The following LRPPRC variants were observed in gnomAD, a reference collection of about 807,000 sequenced individuals.
LRPPRC encodes leucine rich pentatricopeptide repeat containing.
A neutral mutation model predicts 180.3 loss-of-function variants in LRPPRC; 120 were observed. That is an observed-to-expected ratio of 0.67 (90% CI 0.57 to 0.77). LRPPRC has a LOEUF of 0.77. Among genes scored for constraint, LRPPRC ranks in the 30% least tolerant of loss-of-function variants. The pLI is 0.00. For missense variants in LRPPRC, 2,012 were observed against 1,657.2 expected, an observed-to-expected ratio of 1.21 and a Z score of -3.72; for synonymous variants, 723 against 600.0, an observed-to-expected ratio of 1.21 and a Z score of -3.00.
intron 32 of LRPPRC, among the ~76,000 whole-genome samples, chr2:43,900,790 T>A (rs1036909840): frequency 2.6e-5 from 4 of 152,142 alleles, no homozygotes; most frequent in Non-Finnish European, 5.9e-5. Context: ...AAAAATCAAG[T>A]CCTTATTTAT....
intron 3 of LRPPRC, among the ~76,000 whole-genome samples, chr2:43,979,521 C>T (rs916059731): frequency 4.6e-5 from 7 of 152,112 alleles, no homozygotes; most frequent in African/African-American, 1.4e-4. Flanking sequence ...TACCTAAATT[C>T]GAACAAATGG....
chr2:43,974,798 GT>G (rs760896244), intron 7 of LRPPRC, 40 bp from the exon 8 acceptor site: 11 of 1,592,782 alleles, frequency 6.9e-6, no homozygotes, highest in Admixed American at 5.0e-5. Context: ...AAGTTAGAGT[GT>G]TTTTATTTAA....
At position 43,974,303 on chromosome 2, in the gene LRPPRC, GA is replaced by G. The variant is rs1355730370; in HGVS notation, c.1010-9del. 1 of 1,602,172 alleles carries G rather than the reference GA, an allele frequency of 6.2e-7. No homozygotes were observed. Among genetic ancestry groups the G allele is most frequent in the Admixed American group, 1.7e-5 (1 of 59,988 alleles). On this transcript the variant is annotated splice_polypyrimidine_tract_variant and intron_variant, in intron 8 of 37. Coordinates refer to ENST00000260665, the MANE Select transcript of LRPPRC (RefSeq NM_133259.4). ...AAATGAGGTTCATTGCATCTGGGAA[GA>G]AAACAAAGACATCTTTTGTTAATAA... is the stretch of plus-strand genomic sequence containing the variant.
intron 30 of LRPPRC, among the ~76,000 whole-genome samples, chr2:43,906,640 T>C (rs1671076213): frequency 6.6e-6 from 1 of 152,158 alleles, no homozygotes; most frequent in African/African-American, 2.4e-5. Flanking sequence ...TTGCTCCCAT[T>C]TGCCTTATCG....
At chr2:43,961,413 G>A (rs549093258) in intron 12 of LRPPRC, among the ~76,000 whole-genome samples, 2 of 152,226 alleles carry the variant, frequency 1.3e-5, no homozygotes, top group African/African-American at 4.8e-5. Context: ...GTCAAGTTAG[G>A]TGGATAATAG....
intron 2 of LRPPRC, among the ~76,000 whole-genome samples, 179 bp from the exon 3 acceptor site, chr2:43,980,127 TTAAA>T (rs1674238027): frequency 1.3e-5 from 2 of 152,314 alleles, no homozygotes; most frequent in East Asian, 1.9e-4. Context: ...AAGTCAAACT[TTAAA>T]TATTAGTCTG....
At chr2:43,988,760 G>C (rs895513464) in intron 1 of LRPPRC, among the ~76,000 whole-genome samples, 3 of 151,992 alleles carry the variant, frequency 2.0e-5, no homozygotes, top group East Asian at 1.9e-4. Context: ...AGCCAGGATG[G>C]TCTCGATCTC....
intron 1 of LRPPRC, among the ~76,000 whole-genome samples, chr2:43,990,003 A>T (rs1363985121): frequency 6.6e-6 from 1 of 152,134 alleles, no homozygotes; most frequent in Non-Finnish European, 1.5e-5. Context: ...ACCTGAGGTC[A>T]GGATTTCGAG....
chr2:43,996,190 G>A (rs540603439), upstream of LRPPRC, among the ~76,000 whole-genome samples: 23 of 152,142 alleles, frequency 1.5e-4, no homozygotes, highest in African/African-American at 4.1e-4. Flanking sequence ...TCCGTCTTCC[G>A]TCTCCGATCT....
At chr2:43,948,308 T>C in intron 17 of LRPPRC, 104 bp downstream of exon 17, 3 of 919,236 alleles carry the variant, frequency 3.3e-6, no homozygotes, top group South Asian at 1.3e-5. Context: ...AACTCTTGCA[T>C]GTCATTGAGA....
intron 36 of LRPPRC, among the ~76,000 whole-genome samples, 189 bp from the exon 37 acceptor site, chr2:43,890,065 T>A (rs1285871716): frequency 1.3e-5 from 2 of 152,204 alleles, no homozygotes; most frequent in South Asian, 2.1e-4. Context: ...TCATTCGGCA[T>A]CACTCACTTT....
At chr2:43,898,062 C>A (rs1572892663) in intron 34 of LRPPRC, among the ~76,000 whole-genome samples, 1 of 116,042 alleles carries the variant, frequency 8.6e-6, no homozygotes, top group Non-Finnish European at 1.6e-5. Context: ...ACTGCCTTTT[C>A]CTTAAAATTA....
rs566481189 is a variant in LRPPRC at position 43,947,490 on chromosome 2, C to T, written c.1966-120G>A. On this transcript the variant is annotated intron_variant, in intron 19 of 37. Transcript: ENST00000260665. ...CCTTCCTAAATGTCATAAATGCTAT[C>T]AGGGATATTAATTGGGGAATCCATG... The T allele has an allele frequency of 5.9e-6, 4 of 676,406 alleles. No homozygotes were observed. The South Asian group carries it at 6.8e-5, about 12-fold the overall frequency. The allele number at this position is 676,406 out of a possible 1,614,324, so 41.9% of individuals were successfully genotyped here.
chr2:43,892,606 TG>T, intron 36 of LRPPRC: 1 of 152,196 alleles, frequency 6.6e-6, no homozygotes, highest in Non-Finnish European at 1.5e-5. Flanking sequence ...AGATTAATGT[TG>T]TTCTCAGGTG....
chr2:43,901,249 T>A, intron 32 of LRPPRC, 71 bp downstream of exon 32: 4 of 1,285,170 alleles, frequency 3.1e-6, no homozygotes, highest in Non-Finnish European at 4.5e-6. Flanking sequence ...AAAAAGTTTT[T>A]AAAAGGTGGT....
At chr2:43,911,149 G>GATATATAT (rs34332260) in intron 30 of LRPPRC, among the ~76,000 whole-genome samples, 2 of 146,312 alleles carry the variant, frequency 1.4e-5, no homozygotes, top group Admixed American at 6.8e-5. Context: ...GAGTGTTCTA[G>GATATATAT]ATATATATAT....
intron 1 of LRPPRC, among the ~76,000 whole-genome samples, chr2:43,984,964 T>C (rs1219623997): frequency 1.3e-5 from 2 of 152,044 alleles, no homozygotes; most frequent in Non-Finnish European, 2.9e-5. Context: ...AAATCTACCA[T>C]TTAAAGTTAT....
intron 30 of LRPPRC, 127 bp from the exon 31 acceptor site, chr2:43,905,907 G>A: frequency 2.7e-6 from 2 of 733,776 alleles, no homozygotes; most frequent in South Asian, 1.5e-5. Flanking sequence ...GCAAAATATC[G>A]ACCTGGAGAC....
intron 37 of LRPPRC, 62 bp downstream of exon 37, chr2:43,889,672 T>C (rs1572882869): frequency 3.2e-6 from 4 of 1,262,830 alleles, no homozygotes; most frequent in South Asian, 2.4e-5. Flanking sequence ...TTCTTACACA[T>C]TGTTATGAAG....
Sources: gnomAD v4.1 joint callset for allele counts (sites outside exome capture counted in the v4.1 genomes callset) on GRCh38, gnomAD v4.1.1 for gene constraint, MANE v1.5 for transcripts, NCBI Gene and HGNC (gene_info 2026-07-23, HGNC 2026-07-21) for gene names.